Variants in APBA1 observed in about 807,000 individuals in gnomAD.
The protein encoded by APBA1 is amyloid beta precursor protein binding family A member 1, also known as amyloid-beta A4 precursor protein-binding family A member 1.
A neutral mutation model predicts 86.6 loss-of-function variants in APBA1; 55 were observed. The observed-to-expected ratio is 0.64, with a 90% CI of 0.51 to 0.80. The LOEUF (loss-of-function observed/expected upper bound fraction) is 0.80, where lower values mean the gene tolerates loss of function less well. Among genes scored for constraint, APBA1 ranks in the 30% least tolerant of loss-of-function variants. The probability of loss-of-function intolerance (pLI) is 0.00; values close to 1 mark genes in which losing one functional copy is unlikely to be tolerated. For missense variants in APBA1, 1,090 were observed against 1,183.0 expected (o/e 0.92, Z 1.15); for synonymous variants, 511 against 493.9 (o/e 1.03, Z -0.46).
chr9:69,661,495 A>C (rs1823751311), intron 1 of APBA1, among the ~76,000 whole-genome samples: 1 of 152,148 alleles, frequency 6.6e-6, no homozygotes, highest in South Asian at 2.1e-4. Context: ...TTCACTGTTG[A>C]TGGCTAATTA....
At chr9:69,669,818 A>G (rs1039688554) in intron 1 of APBA1, among the ~76,000 whole-genome samples, 1 of 152,156 alleles carries the variant, frequency 6.6e-6, no homozygotes, top group Non-Finnish European at 1.5e-5. Flanking sequence ...ACATTAGAAA[A>G]GAACTGATTC....
intron 3 of APBA1, among the ~76,000 whole-genome samples, chr9:69,472,116 CCA>C (rs1230812534): frequency 6.6e-6 from 1 of 152,144 alleles, no homozygotes; most frequent in Admixed American, 6.5e-5. Flanking sequence ...TTACTCTTTG[CCA>C]CAGTGATCTC....
At chr9:69,594,716 C>A (rs970911258) in intron 1 of APBA1, among the ~76,000 whole-genome samples, 1 of 152,154 alleles carries the variant, frequency 6.6e-6, no homozygotes, top group Non-Finnish European at 1.5e-5. Flanking sequence ...ACGTGATTGA[C>A]TGCCCAAAGA....
At chr9:69,557,583 C>A (rs938042659) in intron 1 of APBA1, among the ~76,000 whole-genome samples, 3 of 152,134 alleles carry the variant, frequency 2.0e-5, no homozygotes, top group African/African-American at 7.2e-5. Flanking sequence ...CTTCTTTGAA[C>A]ACAGATATCA....
chr9:69,632,437 T>G (rs1186411638), intron 1 of APBA1, among the ~76,000 whole-genome samples: 2 of 152,196 alleles, frequency 1.3e-5, no homozygotes, highest in Non-Finnish European at 2.9e-5. Context: ...ATCCTGCCTC[T>G]TCTGCTTCTG....
chr9:69,575,736 C>T (rs1588373134), intron 1 of APBA1, among the ~76,000 whole-genome samples: 1 of 152,152 alleles, frequency 6.6e-6, no homozygotes, highest in African/African-American at 2.4e-5. Context: ...AAATCTTAGA[C>T]CTAAAACCAT....
chr9:69,585,980 T>A (rs1822011828), intron 1 of APBA1, among the ~76,000 whole-genome samples: 1 of 152,296 alleles, frequency 6.6e-6, no homozygotes, highest in Non-Finnish European at 1.5e-5. Flanking sequence ...TGCCCACCTA[T>A]GAATATGTTT....
intron 10 of APBA1, among the ~76,000 whole-genome samples, chr9:69,446,191 G>A (rs1441081988): frequency 1.3e-5 from 2 of 152,096 alleles, no homozygotes; most frequent in Non-Finnish European, 2.9e-5. Context: ...AAGGTGATAC[G>A]ACCCACTGAT....
intron 1 of APBA1, among the ~76,000 whole-genome samples, chr9:69,613,941 T>G (rs944702146): frequency 1.1e-4 from 17 of 152,120 alleles, no homozygotes; most frequent in African/African-American, 4.1e-4. Context: ...GCAATCACAT[T>G]GCAAAATATT....
At position 69,431,363 on chromosome 9, in the gene APBA1, C is replaced by A. The variant is rs2133777232; in HGVS notation, c.2478G>T (p.Arg826Ser). Residue 826 changes from arginine (R) to serine (S), a missense_variant, in exon 13 of 13, where the codon AGG becomes AGT. Around this residue, in one of 6 missense-constraint regions of APBA1, gnomAD observed 17 missense variants for 30.3 expected, o/e 0.56. Transcript: ENST00000265381. ...CAGGCTGCTCCTGGGCCGTCAGCAG[C>A]CTGTACATCGCGGCTGGCATTGTCT... ...HMKTMPAAMY[R>S]LLTAQEQPVY... 1.2e-6 allele frequency: 2 copies of A among 1,613,146 alleles called. No homozygotes were observed. The highest frequency in any genetic ancestry group is 1.7e-6 in the Non-Finnish European group (2 of 1,179,556).
intron 2 of APBA1, among the ~76,000 whole-genome samples, chr9:69,506,044 AAAG>A (rs1295649784): frequency 2.0e-5 from 3 of 151,620 alleles, no homozygotes; most frequent in Non-Finnish European, 4.4e-5. Context: ...AAGAAAAAAA[AAAG>A]AAAAGGAGGA....
chr9:69,527,441 G>C (rs1453279187), intron 1 of APBA1, among the ~76,000 whole-genome samples: 1 of 151,946 alleles, frequency 6.6e-6, no homozygotes, highest in Non-Finnish European at 1.5e-5. Context: ...CAATATATGT[G>C]GTATTTTACT....
At chr9:69,460,278 T>C (rs1835168784) in intron 5 of APBA1, among the ~76,000 whole-genome samples, 1 of 152,126 alleles carries the variant, frequency 6.6e-6, no homozygotes, top group Non-Finnish European at 1.5e-5. Context: ...AATAGTCTGC[T>C]CTGAAAAAGT....
intron 1 of APBA1, among the ~76,000 whole-genome samples, chr9:69,564,833 G>C (rs963533816): frequency 6.6e-6 from 1 of 152,100 alleles, no homozygotes; most frequent in Non-Finnish European, 1.5e-5. Flanking sequence ...ACCCAAAAGA[G>C]TTGACAGCAG....
chr9:69,524,762 C>T (rs1050826597), intron 1 of APBA1, among the ~76,000 whole-genome samples: 2 of 152,052 alleles, frequency 1.3e-5, no homozygotes, highest in Non-Finnish European at 1.5e-5. Context: ...ATACCAAAAA[C>T]CTGGAAAAGA....
Position 69,428,410 on chromosome 9 carries a change from T to A in APBA1, c.*2917A>T, listed in dbSNP as rs1162405806. On this transcript the variant is annotated 3_prime_UTR_variant, in exon 13 of 13. Coordinates refer to ENST00000265381, the MANE Select transcript of APBA1 (RefSeq NM_001163.4). Reference sequence around the variant, plus strand: ...GCATTGGTCTTTGGGGGTTTCTTCCTCTCATGAACCCAAGGCTGATGGTGG... The same window carrying A: ...GCATTGGTCTTTGGGGGTTTCTTCCACTCATGAACCCAAGGCTGATGGTGG... The A allele has an allele frequency of 1.3e-5, 2 of 152,252 alleles. No individual in the cohort carries two copies. Among genetic ancestry groups the A allele is most frequent in the Admixed American group, 6.5e-5 (1 of 15,282 alleles). 9.4% of individuals were successfully genotyped at this position (152,252 alleles called of 1,614,324 possible).
intron 1 of APBA1, among the ~76,000 whole-genome samples, chr9:69,658,268 CTT>C (rs1554709933): frequency 0.017 from 1,537 of 88,058 alleles, 54 homozygotes; most frequent in South Asian, 0.049. Context: ...TTCTTTCTTT[CTT>C]TCTTTCTTTC....
intron 1 of APBA1, among the ~76,000 whole-genome samples, chr9:69,527,227 T>C (rs756714467): frequency 2.0e-5 from 3 of 152,054 alleles, no homozygotes; most frequent in Non-Finnish European, 4.4e-5. Flanking sequence ...AATCTAAAAG[T>C]TGACATTTTA....
At chr9:69,454,794 G>A (rs910681382) in intron 8 of APBA1, among the ~76,000 whole-genome samples, 1 of 151,982 alleles carries the variant, frequency 6.6e-6, no homozygotes, top group African/African-American at 2.4e-5. Context: ...TCATCTTTTC[G>A]CTGGCCTGCA....
Sources: allele counts gnomAD v4.1 joint callset (sites outside exome capture counted in the v4.1 genomes callset), GRCh38; gene constraint gnomAD v4.1.1; regional missense constraint gnomAD v4.1.1; transcripts MANE v1.5; gene names NCBI Gene and HGNC (gene_info 2026-07-23, HGNC 2026-07-21).